The following USP34 variants were observed in gnomAD, a reference collection of about 807,000 sequenced individuals.
USP34 encodes the protein ubiquitin specific peptidase 34.
A neutral mutation model predicts 460.3 loss-of-function variants in USP34; 70 were observed. The observed-to-expected ratio is 0.15, with a 90% CI of 0.13 to 0.19. The LOEUF (loss-of-function observed/expected upper bound fraction) is 0.19. Ranked by LOEUF, USP34 falls within the 10% of genes least tolerant of loss-of-function variation. The pLI, the probability that USP34 is intolerant of heterozygous loss-of-function variation, is 1.00. For synonymous variants in USP34, 1,647 were observed against 1,405.3 expected, an observed-to-expected ratio of 1.17 and a Z score of -3.85; for missense variants, 3,985 against 4,236.2, an observed-to-expected ratio of 0.94 and a Z score of 1.65.
chr2:61,218,534 A>G (rs1687469161), intron 67 of USP34, among the ~76,000 whole-genome samples: 1 of 151,858 alleles, frequency 6.6e-6, no homozygotes, highest in South Asian at 2.1e-4. Context: ...ACTACTAACC[A>G]AACTCTCCAC....
intron 57 of USP34, among the ~76,000 whole-genome samples, chr2:61,233,653 T>A (rs1687980287): frequency 6.6e-6 from 1 of 151,776 alleles, no homozygotes; most frequent in South Asian, 2.1e-4. Context: ...AGAGACTCTG[T>A]CTCTATAAAA....
At chr2:61,263,111 C>T (rs1381568950) in intron 43 of USP34, among the ~76,000 whole-genome samples, 3 of 150,004 alleles carry the variant, frequency 2.0e-5, no homozygotes, top group Non-Finnish European at 3.0e-5. Context: ...CAGGTTCAAG[C>T]GATTCTCCTG....
At chr2:61,462,847 G>C (rs1431795191) in intron 1 of USP34, among the ~76,000 whole-genome samples, 1 of 141,622 alleles carries the variant, frequency 7.1e-6, no homozygotes. Flanking sequence ...GGGAGACAGA[G>C]GGAAACTGTT....
At chr2:61,457,433 T>A (rs560228351) in intron 1 of USP34, among the ~76,000 whole-genome samples, 2 of 152,328 alleles carry the variant, frequency 1.3e-5, no homozygotes, top group Admixed American at 1.3e-4. Flanking sequence ...CTAGACGGCC[T>A]ACTTATAGCT....
rs915053515 is a variant in USP34 at position 61,373,912 on chromosome 2, T to C, written c.1077-3333A>G. Among the ~76,000 whole-genome samples the C allele has an allele frequency of 2.6e-5, 4 of 152,140 alleles. 1 individual carries two copies. The highest frequency in any genetic ancestry group is 2.9e-5 in the Non-Finnish European group (2 of 68,018). The stretch of plus-strand genomic sequence containing the variant: ...GCTCACACCTGTAATCCCAGCACTT[T>C]GGGAGGCCAAGACGGGTGGACTGCT... On this transcript the variant is annotated intron_variant, in intron 8 of 79. Coordinates refer to ENST00000398571, the MANE Select transcript of USP34 (RefSeq NM_014709.4).
chr2:61,291,654 T>TAGG (rs1558512731), intron 33 of USP34, among the ~76,000 whole-genome samples: 3 of 152,136 alleles, frequency 2.0e-5, no homozygotes, highest in African/African-American at 7.2e-5. Context: ...AACAGACACA[T>TAGG]GAAAAGCTGC....
At chr2:61,194,738 C>G (rs1027628010) in intron 75 of USP34, among the ~76,000 whole-genome samples, 1 of 152,026 alleles carries the variant, frequency 6.6e-6, no homozygotes, top group African/African-American at 2.4e-5. Context: ...GGCGGATCAC[C>G]TGAGGTCAGG....
intron 48 of USP34, among the ~76,000 whole-genome samples, chr2:61,255,106 A>C (rs1490699210): frequency 6.6e-6 from 1 of 152,220 alleles, no homozygotes; most frequent in Non-Finnish European, 1.5e-5. Flanking sequence ...CTGGGATTAC[A>C]GATGGGACCC....
intron 8 of USP34, among the ~76,000 whole-genome samples, chr2:61,372,937 A>G (rs1244743763): frequency 6.6e-6 from 1 of 151,262 alleles, no homozygotes; most frequent in Non-Finnish European, 1.5e-5. Flanking sequence ...GGATAAACAC[A>G]AAGAAATCCA....
chr2:61,220,347 C>G lies in USP34; in HGVS notation c.8010G>C (p.Arg2670=). 1.2e-6 allele frequency: 2 copies of G among 1,613,794 alleles called. No individual in the cohort carries two copies. Among genetic ancestry groups the G allele is most frequent in the Non-Finnish European group, 1.7e-6 (2 of 1,179,890 alleles). ...TAGGATAATTGTGAGCCAAAAGAAA[C>G]CGCTCGACCCAGTTTTCCATATTCT... ...VLQNMENWVE[R]FLLAHNYPRV... is the part of the protein sequence containing the mutation. The change falls in exon 67 of 80, where the codon CGG becomes CGC. Residue 2670 remains arginine, a synonymous_variant. Coordinates refer to ENST00000398571, the MANE Select transcript of USP34 (RefSeq NM_014709.4).
chr2:61,446,090 G>C (rs1475712392), intron 1 of USP34, among the ~76,000 whole-genome samples: 32 of 137,098 alleles, frequency 2.3e-4, no homozygotes, highest in Non-Finnish European at 4.6e-4. Flanking sequence ...CTCCAGTCTG[G>C]GTGACAGAGT....
At chr2:61,327,198 T>G (rs1035061429) in intron 20 of USP34, among the ~76,000 whole-genome samples, 4 of 152,208 alleles carry the variant, frequency 2.6e-5, no homozygotes, top group Admixed American at 6.5e-5. Flanking sequence ...TTTTAAAGCT[T>G]AAGTTTTCTG....
chr2:61,342,807 T>C (rs1399692314), intron 16 of USP34, among the ~76,000 whole-genome samples: 2 of 152,208 alleles, frequency 1.3e-5, no homozygotes, highest in African/African-American at 4.8e-5. Context: ...AAGAAAACCA[T>C]TTTGTTCAAT....
chr2:61,424,236 AC>A (rs1345211957), intron 1 of USP34, among the ~76,000 whole-genome samples: 3 of 152,120 alleles, frequency 2.0e-5, no homozygotes, highest in Non-Finnish European at 4.4e-5. Flanking sequence ...TAGGCTACAA[AC>A]CTGTATGGCA....
chr2:61,353,260 C>T (rs939691961), intron 10 of USP34, among the ~76,000 whole-genome samples: 3 of 152,176 alleles, frequency 2.0e-5, no homozygotes, highest in Admixed American at 6.5e-5. Flanking sequence ...ATTGTTTCAA[C>T]ACAAACCATC....
intron 2 of USP34, among the ~76,000 whole-genome samples, chr2:61,418,083 A>AAG (rs1558582914): frequency 2.8e-5 from 4 of 145,208 alleles, no homozygotes; most frequent in African/African-American, 1.0e-4. Context: ...TCTTGTTAAC[A>AAG]TACTTTTTTT....
intron 5 of USP34, 55 bp from the exon 6 acceptor site, chr2:61,383,391 C>G (rs1693034203): frequency 1.5e-6 from 2 of 1,294,904 alleles, no homozygotes; most frequent in Non-Finnish European, 2.2e-6. Flanking sequence ...ATACATATAT[C>G]TTTCACTAAA....
chr2:61,214,021 A>G, intron 68 of USP34, 39 bp downstream of exon 68: 1 of 1,610,072 alleles, frequency 6.2e-7, no homozygotes, highest in East Asian at 2.2e-5. Context: ...TTTCCAATCT[A>G]TTTGAGGATA....
chr2:61,411,825 T>C (rs923081946), intron 2 of USP34, among the ~76,000 whole-genome samples: 1 of 152,094 alleles, frequency 6.6e-6, no homozygotes, highest in Non-Finnish European at 1.5e-5. Context: ...CTTATTACCA[T>C]GAAAGGATAA....
Sources: gnomAD v4.1 joint callset for allele counts (sites outside exome capture counted in the v4.1 genomes callset) on GRCh38, gnomAD v4.1.1 for gene constraint, MANE v1.5 for transcripts, NCBI Gene and HGNC (gene_info 2026-07-23, HGNC 2026-07-21) for gene names.